Variants in SRP19 observed in about 807,000 individuals in gnomAD.
SRP19 encodes the protein signal recognition particle 19.
SRP19 carries 11 observed loss-of-function variants against 22.4 expected under a neutral mutation model. The ratio of observed to expected loss-of-function variants is 0.49; its 90% CI spans 0.31 to 0.81. SRP19 has a LOEUF of 0.81. Ranked by LOEUF, SRP19 falls within the 40% of genes least tolerant of loss-of-function variation. The pLI is 0.05. For missense variants in SRP19, 168 were observed against 175.9 expected, an observed-to-expected ratio of 0.96 and a Z score of 0.25; for synonymous variants, 61 against 57.6, an observed-to-expected ratio of 1.06 and a Z score of -0.27.
intron 4 of SRP19, among the ~76,000 whole-genome samples, chr5:112,875,378 T>G (rs1767871453): frequency 1.3e-5 from 2 of 151,944 alleles, no homozygotes; most frequent in Admixed American, 6.5e-5. Flanking sequence ...TTTGGTTTTT[T>G]TTTTTTTTGA....
chr5:112,887,200 C>A, intron 4 of SRP19: 2 of 1,560,462 alleles, frequency 1.3e-6, no homozygotes, highest in Non-Finnish European at 1.7e-6. Flanking sequence ...AGAAAAAGAG[C>A]CAGCATGGGT....
In SRP19 at chr5:112,880,958, GTC is replaced by G. The variant is rs144578870; in HGVS notation, c.302-10641_302-10640del. On this transcript the variant is annotated intron_variant, in intron 4 of 4. Coordinates refer to the SRP19 transcript ENST00000391338. ...AGCCTGGCCAACATGGCATAACGGT[GTC>G]TCTACTAAAAATACAAGTATCAGCT... Among the ~76,000 whole-genome samples the G allele has an allele frequency of 3.5e-4, 53 of 152,052 alleles. No individual in the cohort carries two copies. The East Asian group carries it at 9.7e-3, about 28-fold the overall frequency.
chr5:112,866,062 C>G (rs922649247), intron 4 of SRP19, among the ~76,000 whole-genome samples: 11 of 151,472 alleles, frequency 7.3e-5, no homozygotes, highest in Non-Finnish European at 2.9e-5. Context: ...AGGTCTCACT[C>G]TGTCATCGAG....
intron 4 of SRP19, chr5:112,878,693 C>T (rs1014298182): frequency 3.9e-6 from 6 of 1,526,958 alleles, no homozygotes; most frequent in South Asian, 2.4e-5. Flanking sequence ...TCCAAGGCAA[C>T]ATTATTAAAA....
intron 4 of SRP19, among the ~76,000 whole-genome samples, chr5:112,875,524 CCTAG>C (rs1435850316): frequency 6.6e-5 from 10 of 152,020 alleles, no homozygotes; most frequent in Non-Finnish European, 1.5e-4. Flanking sequence ...TTCCACCACA[CCTAG>C]CTAATTTTTT....
chr5:112,862,919 T>G (rs1767462356), intron 2 of SRP19, among the ~76,000 whole-genome samples: 1 of 152,220 alleles, frequency 6.6e-6, no homozygotes, highest in South Asian at 2.1e-4. Context: ...TACGATACAT[T>G]AATAATGTTC....
At chr5:112,885,525 T>C (rs745381042) in intron 4 of SRP19, 13 of 226,822 alleles carry the variant, frequency 5.7e-5, no homozygotes, top group Non-Finnish European at 1.1e-4. Flanking sequence ...AAGTTAGTTG[T>C]GGTGGGGTTG....
downstream of SRP19, chr5:112,896,494 C>T (rs1186321612): frequency 2.6e-5 from 4 of 151,904 alleles, no homozygotes; most frequent in African/African-American, 9.7e-5. Flanking sequence ...CTTCACTCCA[C>T]TCCAGCCTGA....
chr5:112,875,017 C>G (rs912708872), intron 4 of SRP19, among the ~76,000 whole-genome samples: 5 of 152,160 alleles, frequency 3.3e-5, no homozygotes, highest in African/African-American at 1.2e-4. Flanking sequence ...CTCAGGTGAT[C>G]CACCCACCTT....
Position 112,868,906 on chromosome 5 carries a change from A to T in SRP19, c.*1369A>T, listed in dbSNP as rs886159934. The T allele has an allele frequency of 7.9e-5, 12 of 151,622 alleles. No individual in the cohort carries two copies. Among genetic ancestry groups the T allele is most frequent in the Non-Finnish European group, 1.5e-4 (10 of 67,934 alleles). 9.4% of individuals were successfully genotyped at this position (151,622 alleles called of 1,614,324 possible). A position where few individuals can be genotyped will look rare whatever the true frequency, so the allele number is the denominator to read the frequency against. On this transcript the variant is annotated 3_prime_UTR_variant, in exon 5 of 5. Transcript: ENST00000505459. Reference sequence around the variant, plus strand: ...GCTGGCCTGTTGACTTTTTTTTTTTAACTCTAACAATTTCTGTTTTATAGT... The same window carrying T: ...GCTGGCCTGTTGACTTTTTTTTTTTTACTCTAACAATTTCTGTTTTATAGT...
intron 4 of SRP19, among the ~76,000 whole-genome samples, chr5:112,891,451 G>A (rs1395527976): frequency 6.6e-6 from 1 of 152,116 alleles, no homozygotes; most frequent in Admixed American, 6.6e-5. Flanking sequence ...TACAAAAAAA[G>A]TCTAACTGCA....
At position 112,892,769 on chromosome 5, in the gene SRP19, A is replaced by G. The variant is rs1364077926; in HGVS notation, c.*1162A>G. ...AGGGAGAAGATGGGCCACCACGACC[A>G]CTACTACAGCAGGCAGCGGGGAAGG... On this transcript the variant is annotated 3_prime_UTR_variant, in exon 5 of 5. Transcript: ENST00000391338. The G allele has an allele frequency of 1.9e-6, 3 of 1,614,060 alleles. No individual in the cohort carries two copies. In the Admixed American group the frequency reaches 5.0e-5, roughly 27 times the overall value.
Position 112,898,150 on chromosome 5 carries a change from G to A in SRP19, c.*6628G>A, listed in dbSNP as rs567614094. 2.6e-5 allele frequency: 4 copies of A among 152,326 alleles called. No individual in the cohort carries two copies. The East Asian group carries it at 7.7e-4, about 29-fold the overall frequency. 9.4% of individuals were successfully genotyped at this position (152,326 alleles called of 1,614,324 possible). A position where few individuals can be genotyped will look rare whatever the true frequency, so the allele number is the denominator to read the frequency against. ...CATGCGATTGCAACAGCATAGGTAA[G>A]ATGGATTCTAGTCCCTAAAATTCAA... On this transcript the variant is annotated 3_prime_UTR_variant and NMD_transcript_variant, in exon 4 of 4. Transcript: ENST00000506997.
chr5:112,875,108 C>A (rs560218815), intron 4 of SRP19, among the ~76,000 whole-genome samples: 12 of 152,232 alleles, frequency 7.9e-5, no homozygotes, highest in Admixed American at 5.9e-4. Flanking sequence ...ATCGATCTAA[C>A]CAAGGAAACT....
At chr5:112,863,502 C>G (rs351770) in intron 2 of SRP19, among the ~76,000 whole-genome samples, 1 of 151,758 alleles carries the variant, frequency 6.6e-6, no homozygotes, top group African/African-American at 2.4e-5. Flanking sequence ...CCCCCATCCC[C>G]TAGTTGTGAC....
In SRP19 at chr5:112,861,297, G is replaced by C; in HGVS notation, c.-80G>C. 7 of 1,554,926 alleles carry C rather than the reference G, an allele frequency of 4.5e-6. No homozygotes were observed. Among genetic ancestry groups the C allele is most frequent in the Non-Finnish European group, 5.3e-6 (6 of 1,126,570 alleles). On this transcript the variant is annotated 5_prime_UTR_variant, in exon 1 of 5. Coordinates refer to ENST00000505459, the MANE Select transcript of SRP19 (RefSeq NM_003135.3). ...TTCCGGCGGAAAAGCGGGCTGTCTC[G>C]GAAACTCAGAGCCGGGTTCCTCCCG...
chr5:112,886,922 G>C lies in SRP19; in HGVS notation c.302-4681G>C, dbSNP rs1003369318. The C allele has an allele frequency of 3.3e-6, 3 of 900,102 alleles. No homozygotes were observed. In the East Asian group the frequency reaches 7.5e-5, roughly 22 times the overall value. 55.8% of individuals were successfully genotyped at this position (900,102 alleles called of 1,614,324 possible). ...AATGTTGGCATTTGGCTGAGGGGTG[G>C]TGATAAGACAAGAAGGCCAGGAAGC... On this transcript the variant is annotated intron_variant, in intron 4 of 4. Transcript: ENST00000391338.
At chr5:112,870,472 T>C (rs1378601130), downstream of SRP19, among the ~76,000 whole-genome samples, 1 of 149,610 alleles carries the variant, frequency 6.7e-6, no homozygotes, top group Admixed American at 6.6e-5. Context: ...CTGGACCCTG[T>C]CTCAAAAAAA....
exon 5 of SRP19, chr5:112,892,593 T>C (rs1461783413): frequency 1.2e-6 from 2 of 1,614,048 alleles, no homozygotes; most frequent in East Asian, 2.2e-5. Flanking sequence ...CGATTTGTGG[T>C]TTATTTGAAA....
Sources: allele counts gnomAD v4.1 joint callset (sites outside exome capture counted in the v4.1 genomes callset), GRCh38; gene constraint gnomAD v4.1.1; transcripts MANE v1.5; gene names NCBI Gene and HGNC (gene_info 2026-07-23, HGNC 2026-07-21).